The following SLC12A6 variants were observed in gnomAD, a reference collection of about 807,000 sequenced individuals.
SLC12A6 encodes the protein solute carrier family 12 member 6.
Under a neutral mutation model 135.3 loss-of-function variants are expected in SLC12A6, and 66 were observed. The observed-to-expected ratio is 0.49, with a 90% CI of 0.40 to 0.60. The LOEUF (loss-of-function observed/expected upper bound fraction) is 0.60. Among genes scored for constraint, SLC12A6 ranks in the 20% least tolerant of loss-of-function variants. SLC12A6 has a pLI of 0.00. For missense variants in SLC12A6, 1,058 were observed against 1,452.3 expected (o/e 0.73, Z 4.41); for synonymous variants, 513 against 508.8 (o/e 1.01, Z -0.11).
intron 2 of SLC12A6, among the ~76,000 whole-genome samples, chr15:34,311,131 C>T (rs553153698): frequency 4.6e-5 from 7 of 152,162 alleles, no homozygotes; most frequent in African/African-American, 1.4e-4. Flanking sequence ...GCTATAGGTC[C>T]ATTTCTAAAA....
intron 19 of SLC12A6, 36 bp downstream of exon 19, chr15:34,240,625 A>C: frequency 6.3e-7 from 1 of 1,577,596 alleles, no homozygotes; most frequent in Non-Finnish European, 8.7e-7. Context: ...CAAAGCTGTA[A>C]ACTGAGTTCC....
At chr15:34,298,346 G>A (rs1446001224) in intron 2 of SLC12A6, among the ~76,000 whole-genome samples, 1 of 152,024 alleles carries the variant, frequency 6.6e-6, no homozygotes, top group South Asian at 2.1e-4. Flanking sequence ...ATGGTGGTGG[G>A]CATCTGCAAT....
intron 2 of SLC12A6, among the ~76,000 whole-genome samples, chr15:34,305,530 C>T (rs1451958832): frequency 6.6e-6 from 1 of 150,908 alleles, no homozygotes; most frequent in Non-Finnish European, 1.5e-5. Flanking sequence ...AGACAGTGTT[C>T]TAGGTATTAG....
intron 3 of SLC12A6, among the ~76,000 whole-genome samples, chr15:34,264,411 C>T (rs1301355822): frequency 1.3e-5 from 2 of 152,088 alleles, no homozygotes; most frequent in Non-Finnish European, 2.9e-5. Context: ...TCAAGGAAAA[C>T]ACAAAGGAGG....
intron 25 of SLC12A6, 129 bp from the exon 26 acceptor site, chr15:34,234,101 T>A: frequency 1.4e-6 from 1 of 694,220 alleles, no homozygotes; most frequent in East Asian, 2.7e-5. Flanking sequence ...TTCAGAAAAG[T>A]CTGAACTTTG....
chr15:34,279,487 C>T (rs1417419386), intron 2 of SLC12A6, among the ~76,000 whole-genome samples: 1 of 152,124 alleles, frequency 6.6e-6, no homozygotes, highest in Non-Finnish European at 1.5e-5. Context: ...GGTTTGCAAT[C>T]CAAATTGTGC....
chr15:34,325,094 C>G (rs1270147079), intron 2 of SLC12A6, among the ~76,000 whole-genome samples: 2 of 152,156 alleles, frequency 1.3e-5, no homozygotes, highest in Non-Finnish European at 1.5e-5. Context: ...CTGTCTCGTA[C>G]TACACTCTGA....
intron 2 of SLC12A6, chr15:34,318,615 G>C: frequency 6.2e-7 from 1 of 1,613,720 alleles, no homozygotes; most frequent in Non-Finnish European, 8.5e-7. Flanking sequence ...CTAGGCTCTT[G>C]AGAGATCGAA....
At chr15:34,255,517 C>T (rs1403816188) in intron 7 of SLC12A6, 125 bp from the exon 8 acceptor site, 2 of 726,126 alleles carry the variant, frequency 2.8e-6, no homozygotes, top group Admixed American at 2.3e-5. Flanking sequence ...TGCAAACCCT[C>T]AATGTGATAA....
chr15:34,279,347 C>A (rs74495261), intron 2 of SLC12A6, among the ~76,000 whole-genome samples: 14,552 of 151,238 alleles, frequency 0.096, 788 homozygotes, highest in South Asian at 0.15. Context: ...CAAAACAAAA[C>A]AAAAAAAACA....
chr15:34,275,733 A>G (rs886087104), intron 2 of SLC12A6, among the ~76,000 whole-genome samples: 10 of 152,230 alleles, frequency 6.6e-5, no homozygotes, highest in Non-Finnish European at 1.5e-4. Context: ...GAAGGAATCA[A>G]CAAAATGTAA....
chr15:34,310,592 T>TG (rs1359951139), intron 2 of SLC12A6, among the ~76,000 whole-genome samples: 1 of 80,674 alleles, frequency 1.2e-5, no homozygotes, highest in African/African-American at 5.7e-5. Flanking sequence ...TGTGTGTGTG[T>TG]CCCCGTGTCC....
chr15:34,310,496 A>G (rs111788248), intron 2 of SLC12A6, among the ~76,000 whole-genome samples: 486 of 17,300 alleles, frequency 0.028, no homozygotes, highest in Middle Eastern at 0.042. Flanking sequence ...GTGTGTGTGT[A>G]TGTATGTGTG....
At chr15:34,319,120 G>A (rs1262985627) in intron 2 of SLC12A6, among the ~76,000 whole-genome samples, 3 of 150,370 alleles carry the variant, frequency 2.0e-5, no homozygotes, top group Admixed American at 2.0e-4. Flanking sequence ...AAAGATTAGA[G>A]AACAGTTAAC....
At chr15:34,259,079 C>T (rs1324140706) in intron 4 of SLC12A6, 135 bp from the exon 5 acceptor site, 2 of 674,124 alleles carry the variant, frequency 3.0e-6, no homozygotes, top group Non-Finnish European at 5.1e-6. Context: ...GTGGCTCACA[C>T]CTGTAATCCC....
intron 2 of SLC12A6, among the ~76,000 whole-genome samples, chr15:34,312,028 G>A (rs1356954953): frequency 6.6e-6 from 1 of 152,180 alleles, no homozygotes; most frequent in Non-Finnish European, 1.5e-5. Flanking sequence ...TGTCACATAT[G>A]TATTAAGTGC....
chr15:34,257,664 A>T lies in SLC12A6; in HGVS notation c.668T>A (p.Ile223Asn), dbSNP rs746236247. 8 of 1,613,890 alleles carry T rather than the reference A, an allele frequency of 5.0e-6. No homozygotes were observed. The highest frequency in any genetic ancestry group is 5.9e-6 in the Non-Finnish European group (7 of 1,179,788). Residue 223 changes from isoleucine to asparagine, a missense_variant, in exon 6 of 26, where the codon ATT becomes AAT. Around this residue, in one of 6 missense-constraint regions of SLC12A6, gnomAD observed 139 missense variants for 202.2 expected, o/e 0.69. Transcript: ENST00000354181. ...TACACAGCAGCAGCAGATAAGGACA[A>T]TTGCAAAAGCCTGAAGAACTCCAGC... ...GTAGVLQAFAIVLICCCCTML... is the reference protein window; with the variant it reads ...GTAGVLQAFANVLICCCCTML...
intron 2 of SLC12A6, among the ~76,000 whole-genome samples, chr15:34,306,592 G>C (rs749036445): frequency 2.0e-5 from 3 of 152,166 alleles, no homozygotes; most frequent in African/African-American, 4.8e-5. Flanking sequence ...ACTCAAGATT[G>C]ACAGATACAG....
chr15:34,254,460 C>T lies in SLC12A6; in HGVS notation c.1006G>A (p.Gly336Ser), dbSNP rs200994998. 4 of 1,613,858 alleles carry T rather than the reference C, an allele frequency of 2.5e-6. No individual in the cohort carries two copies. Among genetic ancestry groups the T allele is most frequent in the Non-Finnish European group, 3.4e-6 (4 of 1,179,822 alleles). Residue 336 changes from glycine (G) to serine (S), a missense_variant, in exon 9 of 26, where the codon GGC (glycine) becomes AGC (serine). Physicochemically the swap from Gly to Ser is moderately conservative, Grantham distance 56 (BLOSUM62 0). Coordinates refer to ENST00000354181, the MANE Select transcript of SLC12A6 (RefSeq NM_001365088.1). ...GCAAACTTGTTCACATAGCGTACGC[C>T]GATAAATACCACTAATACCATAAGG... ...LVLMVLVVFI[G>S]VRYVNKFASL... is the part of the protein sequence containing the mutation.
Sources: allele counts gnomAD v4.1 joint callset (sites outside exome capture counted in the v4.1 genomes callset), GRCh38; gene constraint gnomAD v4.1.1; regional missense constraint gnomAD v4.1.1; transcripts MANE v1.5; gene names NCBI Gene and HGNC (gene_info 2026-07-23, HGNC 2026-07-21).